Variants in RTN1 observed in about 807,000 individuals in gnomAD.
The protein encoded by RTN1 is reticulon 1.
Under a neutral mutation model 65.5 loss-of-function variants are expected in RTN1, and 25 were observed. That is an observed-to-expected ratio of 0.38 (90% CI 0.28 to 0.53). The LOEUF (loss-of-function observed/expected upper bound fraction) is 0.53, where lower values mean the gene tolerates loss of function less well. Ranked by LOEUF, RTN1 falls within the 20% of genes least tolerant of loss-of-function variation. RTN1 has a pLI of 0.79. For missense variants in RTN1, 983 were observed against 1,025.4 expected, an observed-to-expected ratio of 0.96 and a Z score of 0.57; for synonymous variants, 471 against 447.6, an observed-to-expected ratio of 1.05 and a Z score of -0.66.
rs1398836376 is a variant in RTN1 at position 59,779,393 on chromosome 14, T to C, written c.242-32912A>G. ...GGAAACATACTCTAAATATGCTCAC[T>C]GGGATAGAGAAATGAAAGTGAGAAA... is the stretch of plus-strand genomic sequence containing the variant. On this transcript the variant is annotated intron_variant, in intron 1 of 8. Coordinates refer to ENST00000267484, the MANE Select transcript of RTN1 (RefSeq NM_021136.3). Among the ~76,000 whole-genome samples the C allele has an allele frequency of 2.0e-5, 3 of 152,110 alleles. No individual in the cohort carries two copies. The East Asian group carries it at 5.8e-4, about 29-fold the overall frequency.
chr14:59,712,137 T>C (rs1884433257), intron 3 of RTN1, among the ~76,000 whole-genome samples: 1 of 152,212 alleles, frequency 6.6e-6, no homozygotes, highest in Non-Finnish European at 1.5e-5. Flanking sequence ...TTGAGGTTTG[T>C]TACTGTAGTA....
At chr14:59,756,447 GA>G (rs1885638450) in intron 1 of RTN1, among the ~76,000 whole-genome samples, 1 of 152,098 alleles carries the variant, frequency 6.6e-6, no homozygotes, top group African/African-American at 2.4e-5. Flanking sequence ...GTACAATTCA[GA>G]AGTGTTTGTA....
chr14:59,784,297 C>G (rs370483005), intron 1 of RTN1, among the ~76,000 whole-genome samples: 5 of 151,956 alleles, frequency 3.3e-5, no homozygotes, highest in African/African-American at 1.2e-4. Context: ...CAAAATTAGC[C>G]GGGCGTGGTG....
intron 3 of RTN1, among the ~76,000 whole-genome samples, chr14:59,685,432 C>CA (rs1215077584): frequency 1.3e-5 from 2 of 151,840 alleles, no homozygotes; most frequent in African/African-American, 4.8e-5. Flanking sequence ...AAGACTCCAC[C>CA]AAAAAAACTG....
chr14:59,640,305 T>A (rs912131973), intron 3 of RTN1, among the ~76,000 whole-genome samples: 13 of 152,106 alleles, frequency 8.5e-5, no homozygotes, highest in East Asian at 3.8e-4. Flanking sequence ...GTCCATTTTA[T>A]TTAATTAATT....
chr14:59,686,837 T>C (rs2094058), intron 3 of RTN1, among the ~76,000 whole-genome samples: 113,822 of 152,186 alleles, frequency 0.75, 42,840 homozygotes, highest in African/African-American at 0.79. Flanking sequence ...AGACATTTTC[T>C]GAGGCCTGGA....
intron 1 of RTN1, among the ~76,000 whole-genome samples, chr14:59,768,405 G>A (rs898575001): frequency 2.6e-5 from 4 of 152,156 alleles, no homozygotes; most frequent in Non-Finnish European, 4.4e-5. Flanking sequence ...TCCAGTGACC[G>A]AAATCAGGAT....
At chr14:59,606,967 G>A (rs1016658291) in intron 4 of RTN1, among the ~76,000 whole-genome samples, 5 of 152,162 alleles carry the variant, frequency 3.3e-5, no homozygotes, top group African/African-American at 1.2e-4. Context: ...GTTCCCACCT[G>A]TAAATAGGGA....
intron 1 of RTN1, among the ~76,000 whole-genome samples, chr14:59,867,483 G>A (rs572979022): frequency 1.3e-4 from 20 of 152,232 alleles, no homozygotes; most frequent in African/African-American, 4.1e-4. Context: ...CTATTTCCAC[G>A]CCACAAAAGG....
chr14:59,686,682 C>A (rs141648671), intron 3 of RTN1, among the ~76,000 whole-genome samples: 8 of 152,296 alleles, frequency 5.3e-5, no homozygotes, highest in Non-Finnish European at 1.0e-4. Context: ...ATGAGAGGAG[C>A]AGAGAGCCTC....
Position 59,766,637 on chromosome 14 carries a change from AAC to A in RTN1, c.242-20158_242-20157del, listed in dbSNP as rs1340918085. Among the ~76,000 whole-genome samples, 2 of 152,162 alleles carry A rather than the reference AAC, an allele frequency of 1.3e-5. No homozygotes were observed. The highest frequency in any genetic ancestry group is 2.9e-5 in the Non-Finnish European group (2 of 68,036). ...AGATTTCTTCCTTGAATGGCAAGATAACAGTTTCAATATTATTTCTTAGCATA... is the reference window on the plus strand; with the variant it reads ...AGATTTCTTCCTTGAATGGCAAGATAAGTTTCAATATTATTTCTTAGCATA... On this transcript the variant is annotated intron_variant, in intron 1 of 8. Transcript: ENST00000267484. This position sits in a 1 kb window ranked among gnomAD's most constrained non-coding sequence, Gnocchi z 4.4.
At chr14:59,610,021 A>C (rs1444223572) in intron 3 of RTN1, 1 of 707,668 alleles carries the variant, frequency 1.4e-6, no homozygotes, top group Non-Finnish European at 2.6e-6. Flanking sequence ...CACTTGTGAG[A>C]CGTGAAGGGG....
At chr14:59,606,391 G>C (rs534289388) in intron 4 of RTN1, among the ~76,000 whole-genome samples, 1 of 152,032 alleles carries the variant, frequency 6.6e-6, no homozygotes, top group Non-Finnish European at 1.5e-5. Flanking sequence ...CTATGTGATA[G>C]TGTTAGGAGG....
chr14:59,789,808 A>G (rs1265293457), intron 1 of RTN1, among the ~76,000 whole-genome samples: 2 of 152,136 alleles, frequency 1.3e-5, no homozygotes, highest in Non-Finnish European at 2.9e-5. Context: ...ATATCTACAT[A>G]TAATGTAATA....
rs1472721427 is a variant in RTN1 at position 59,840,070 on chromosome 14, A to G, written c.241+30320T>C. Among the ~76,000 whole-genome samples, 4 of 152,026 alleles carry G rather than the reference A, an allele frequency of 2.6e-5. 1 individual carries two copies. Among genetic ancestry groups the G allele is most frequent in the Admixed American group, 2.6e-4 (4 of 15,242 alleles). On this transcript the variant is annotated intron_variant, in intron 1 of 8. Transcript: ENST00000267484. ...CTTCCACTTCTGGCTTTCAGAGCCC[A>G]TCATATGCTTTGCCCTTTATTCAAT...
At position 59,599,389 on chromosome 14, in the gene RTN1, T is replaced by G. The variant is rs533562315; in HGVS notation, c.2289-2602A>C. On this transcript the variant is annotated intron_variant, in intron 8 of 8. Transcript: ENST00000267484. ...TGCTTTTGCTTCAAACTGTACATCA[T>G]CTGGAACTTTGACAAAGATATTTGA... 1.3e-3 allele frequency among the ~76,000 whole-genome samples: 192 copies of G among 152,332 alleles called. 3 individuals carry two copies. In the South Asian group the frequency reaches 0.021, roughly 17 times the overall value.
chr14:59,842,495 G>A (rs1418219606), intron 1 of RTN1, among the ~76,000 whole-genome samples: 1 of 151,842 alleles, frequency 6.6e-6, no homozygotes, highest in Non-Finnish European at 1.5e-5. Context: ...CCCAAAGATG[G>A]ACATAGCTAG....
chr14:59,725,510 C>CA (rs1389141114), intron 3 of RTN1, among the ~76,000 whole-genome samples: 1 of 152,052 alleles, frequency 6.6e-6, no homozygotes, highest in Non-Finnish European at 1.5e-5. Context: ...AGGATAGTAG[C>CA]AAAAAAACCC....
intron 3 of RTN1, among the ~76,000 whole-genome samples, chr14:59,643,884 A>G (rs550798412): frequency 7.1e-6 from 1 of 139,982 alleles, no homozygotes; most frequent in Non-Finnish European, 1.6e-5. Flanking sequence ...AGAATGATCC[A>G]TACTCAAGAA....
Sources: allele counts gnomAD v4.1 joint callset (sites outside exome capture counted in the v4.1 genomes callset), GRCh38; gene constraint gnomAD v4.1.1; non-coding constraint Gnocchi (gnomAD v3.1); transcripts MANE v1.5; gene names NCBI Gene and HGNC (gene_info 2026-07-23, HGNC 2026-07-21).